The following ARID2 variants were observed in gnomAD, a reference collection of about 807,000 sequenced individuals.
ARID2 encodes AT-rich interaction domain 2.
ARID2 carries 32 observed loss-of-function variants against 184.6 expected under a neutral mutation model. The ratio of observed to expected loss-of-function variants is 0.17; its 90% CI spans 0.13 to 0.23. ARID2 has a LOEUF of 0.23. ARID2 is among the 10% of genes least tolerant of loss of function. The probability of loss-of-function intolerance (pLI) is 1.00; values close to 1 mark genes in which losing one functional copy is unlikely to be tolerated. For missense variants in ARID2, 1,696 were observed against 2,197.6 expected (o/e 0.77, Z 4.56); for synonymous variants, 836 against 772.6 (o/e 1.08, Z -1.36).
intron 5 of ARID2, 119 bp downstream of exon 5, chr12:45,818,007 A>G (rs1942837136): frequency 5.6e-6 from 4 of 709,876 alleles, no homozygotes; most frequent in Non-Finnish European, 6.6e-6. Flanking sequence ...TTCTGTTTTT[A>G]TATTATGCAT....
chr12:45,816,979 T>C (rs1394083962), intron 4 of ARID2, among the ~76,000 whole-genome samples: 1 of 152,254 alleles, frequency 6.6e-6, no homozygotes, highest in Non-Finnish European at 1.5e-5. Context: ...AAACTTAGAA[T>C]TGTAGAACTA....
chr12:45,833,819 T>G (rs1943165001), intron 6 of ARID2, among the ~76,000 whole-genome samples: 1 of 152,222 alleles, frequency 6.6e-6, no homozygotes, highest in Non-Finnish European at 1.5e-5. Context: ...GTTTTTTGAC[T>G]AGCATTGTGG....
chr12:45,812,942 A>AT (rs1283767071), intron 4 of ARID2, among the ~76,000 whole-genome samples: 4 of 152,150 alleles, frequency 2.6e-5, no homozygotes, highest in African/African-American at 7.2e-5. Context: ...TTTAAAATAG[A>AT]TTTTTTTCCT....
intron 20 of ARID2, among the ~76,000 whole-genome samples, chr12:45,899,741 TTATATA>T (rs1202473985): frequency 9.5e-6 from 1 of 105,106 alleles, no homozygotes; most frequent in Admixed American, 1.0e-4. Context: ...ATATATGGTT[TTATATA>T]TATATATATA....
intron 16 of ARID2, among the ~76,000 whole-genome samples, chr12:45,873,493 C>T (rs371777159): frequency 9.2e-5 from 14 of 152,064 alleles, no homozygotes; most frequent in African/African-American, 3.4e-4. Flanking sequence ...AATCATATTT[C>T]TTTAACTTTT....
chr12:45,738,948 G>T (rs916862386), intron 3 of ARID2, among the ~76,000 whole-genome samples: 1 of 151,574 alleles, frequency 6.6e-6, no homozygotes, highest in South Asian at 2.1e-4. Flanking sequence ...TGATAGACCT[G>T]CTGTACATTT....
At chr12:45,780,706 C>G (rs1178409307) in intron 3 of ARID2, among the ~76,000 whole-genome samples, 1 of 152,038 alleles carries the variant, frequency 6.6e-6, no homozygotes, top group Non-Finnish European at 1.5e-5. Context: ...GCAACCTCTG[C>G]CTGCCGGGTT....
chr12:45,905,383 G>T lies in ARID2; in HGVS notation c.*305G>T, dbSNP rs149129701. 6.7e-5 allele frequency: 18 copies of T among 268,656 alleles called. No homozygotes were observed. The East Asian group carries it at 9.8e-4, about 15-fold the overall frequency. 16.6% of individuals were successfully genotyped at this position (268,656 alleles called of 1,614,324 possible). On this transcript the variant is annotated 3_prime_UTR_variant, in exon 21 of 21. Coordinates refer to ENST00000334344, the MANE Select transcript of ARID2 (RefSeq NM_152641.4). ...TGGAAACTGGTATGATCAGAATTCA[G>T]TACCATCCACATTGGAATATACATG...
intron 20 of ARID2, among the ~76,000 whole-genome samples, chr12:45,903,769 T>C (rs1036110542): frequency 1.3e-5 from 2 of 152,146 alleles, no homozygotes; most frequent in African/African-American, 4.8e-5. Flanking sequence ...CTTCATCTTC[T>C]CTTTTTTTCT....
In ARID2 at chr12:45,893,448, A is replaced by G; in HGVS notation, c.5176A>G (p.Thr1726Ala). 2 of 1,613,570 alleles carry G rather than the reference A, an allele frequency of 1.2e-6. No homozygotes were observed. The highest frequency in any genetic ancestry group is 1.7e-6 in the Non-Finnish European group (2 of 1,179,800). ...KQPTVGGTSSTPRAQKAIVNH... is the reference protein window; with the variant it reads ...KQPTVGGTSSAPRAQKAIVNH... ...GCCAACTGTAGGGGGCACAAGCTCA[A>G]CTCCTAGAGCACAAAAGGCCATTGT... is the stretch of plus-strand genomic sequence containing the variant. Residue 1726 changes from threonine to alanine, a missense_variant, in exon 19 of 21, where the codon ACT becomes GCT. Thr to Ala is a moderately conservative substitution (Grantham distance 58, BLOSUM62 0). Coordinates refer to ENST00000334344, the MANE Select transcript of ARID2 (RefSeq NM_152641.4).
At chr12:45,842,897 T>C (rs1285400453) in intron 11 of ARID2, among the ~76,000 whole-genome samples, 1 of 152,198 alleles carries the variant, frequency 6.6e-6, no homozygotes. Flanking sequence ...AGAATGAAAC[T>C]GGAATTTAGC....
chr12:45,747,489 A>G (rs752122436), intron 3 of ARID2, among the ~76,000 whole-genome samples: 9 of 151,820 alleles, frequency 5.9e-5, no homozygotes, highest in East Asian at 1.9e-4. Context: ...TTTAATGGCA[A>G]TGCACTTTTT....
intron 3 of ARID2, among the ~76,000 whole-genome samples, chr12:45,735,200 C>T (rs1941084653): frequency 6.6e-6 from 1 of 151,852 alleles, no homozygotes; most frequent in African/African-American, 2.4e-5. Context: ...TGAATACACT[C>T]ATGTGTTCTC....
intron 16 of ARID2, among the ~76,000 whole-genome samples, chr12:45,870,175 GA>G (rs1410005265): frequency 1.3e-5 from 2 of 151,930 alleles, no homozygotes; most frequent in African/African-American, 4.8e-5. Context: ...TTTTAGTAGA[GA>G]ACGGGGCTTC....
At chr12:45,838,868 G>GTTT (rs537586640) in intron 10 of ARID2, among the ~76,000 whole-genome samples, 4 of 135,610 alleles carry the variant, frequency 2.9e-5, no homozygotes, top group Admixed American at 7.5e-5. Flanking sequence ...AAAATGTTTT[G>GTTT]TTTTTTTTTT....
At chr12:45,824,726 A>T (rs564290094) in intron 6 of ARID2, among the ~76,000 whole-genome samples, 1 of 152,094 alleles carries the variant, frequency 6.6e-6, no homozygotes, top group South Asian at 2.1e-4. Context: ...ACTACTGGGT[A>T]TTTATCCAAA....
intron 3 of ARID2, among the ~76,000 whole-genome samples, chr12:45,760,487 G>A (rs147088293): frequency 8.9e-4 from 135 of 151,882 alleles, no homozygotes; most frequent in Admixed American, 1.4e-3. Flanking sequence ...TTTTTTCTGC[G>A]TGTGTGTTTT....
At chr12:45,855,443 A>T (rs969787845) in intron 15 of ARID2, among the ~76,000 whole-genome samples, 34 of 152,348 alleles carry the variant, frequency 2.2e-4, no homozygotes, top group African/African-American at 7.9e-4. Flanking sequence ...CATGATGTCT[A>T]TGAGAATGAG....
intron 3 of ARID2, among the ~76,000 whole-genome samples, chr12:45,749,234 T>G (rs956749981): frequency 2.6e-5 from 4 of 152,216 alleles, no homozygotes; most frequent in African/African-American, 7.2e-5. Context: ...AAAACAACAT[T>G]CATCTCCTTG....
Sources: gnomAD v4.1 joint callset for allele counts (sites outside exome capture counted in the v4.1 genomes callset) on GRCh38, gnomAD v4.1.1 for gene constraint, MANE v1.5 for transcripts, NCBI Gene and HGNC (gene_info 2026-07-23, HGNC 2026-07-21) for gene names.